ROR1: variants seen among roughly 807,000 people sequenced by gnomAD.
ROR1 encodes inactive tyrosine-protein kinase transmembrane receptor ROR1.
Under a neutral mutation model 78.8 loss-of-function variants are expected in ROR1, and 19 were observed. The ratio of observed to expected loss-of-function variants is 0.24; its 90% CI spans 0.17 to 0.35. The LOEUF is 0.35. ROR1 is among the 10% of genes least tolerant of loss of function. The pLI is 1.00. For missense variants in ROR1, 917 were observed against 1,177.8 expected, an observed-to-expected ratio of 0.78 and a Z score of 3.24; for synonymous variants, 386 against 433.6, an observed-to-expected ratio of 0.89 and a Z score of 1.36.
intron 1 of ROR1, among the ~76,000 whole-genome samples, chr1:63,961,592 A>G (rs1393086281): frequency 6.6e-6 from 1 of 152,204 alleles, no homozygotes; most frequent in Admixed American, 6.5e-5. Flanking sequence ...GCACAGAAAG[A>G]CAAATACCGC....
At chr1:64,065,590 C>T (rs759345859) in intron 4 of ROR1, among the ~76,000 whole-genome samples, 4 of 152,160 alleles carry the variant, frequency 2.6e-5, no homozygotes, top group Non-Finnish European at 5.9e-5. Flanking sequence ...TGAAGGTTTA[C>T]TGGCATACAT....
chr1:64,152,766 G>C (rs981309527), intron 7 of ROR1, among the ~76,000 whole-genome samples: 6 of 152,080 alleles, frequency 3.9e-5, no homozygotes, highest in Non-Finnish European at 7.4e-5. Flanking sequence ...ATCTTTCCTA[G>C]ATTCTGGCCA....
intron 1 of ROR1, among the ~76,000 whole-genome samples, chr1:63,956,899 A>C (rs1645986884): frequency 6.6e-6 from 1 of 152,214 alleles, no homozygotes; most frequent in East Asian, 1.9e-4. Flanking sequence ...ACTACCTTGC[A>C]GATATGCTAA....
chr1:64,129,909 T>TC (rs1480495191), intron 4 of ROR1, among the ~76,000 whole-genome samples: 1 of 152,174 alleles, frequency 6.6e-6, no homozygotes, highest in African/African-American at 2.4e-5. Flanking sequence ...GCCAATACCT[T>TC]CCCTTTTCTG....
intron 1 of ROR1, among the ~76,000 whole-genome samples, chr1:63,858,152 T>C (rs61594767): frequency 0.042 from 6,366 of 152,304 alleles, 303 homozygotes; most frequent in African/African-American, 0.11. Flanking sequence ...CTTTCACTTA[T>C]CAGCTTTTCC....
At chr1:63,977,770 T>C (rs1052111479) in intron 1 of ROR1, among the ~76,000 whole-genome samples, 6 of 152,224 alleles carry the variant, frequency 3.9e-5, no homozygotes, top group Non-Finnish European at 7.3e-5. Context: ...AGGAAATGCA[T>C]AGAGCCAGAG....
Position 64,049,960 on chromosome 1 carries a change from G to A in ROR1, c.433G>A (p.Val145Ile). Residue 145 changes from valine to isoleucine, a missense_variant, in exon 3 of 9, where the codon GTC becomes ATC. Val to Ile is a conservative substitution (Grantham distance 29). Coordinates refer to ENST00000371079, the MANE Select transcript of ROR1 (RefSeq NM_005012.4). The part of the protein sequence containing the change: ...NGKEVVSSTG[V>I]LFVKFGPPPT... ...CAAGGAGGTGGTTTCTTCCACTGGAGTCTTGTTTGTCAAGTTTGGTAAGCA... is the reference window on the plus strand; with the variant it reads ...CAAGGAGGTGGTTTCTTCCACTGGAATCTTGTTTGTCAAGTTTGGTAAGCA... 1.2e-6 allele frequency: 2 copies of A among 1,614,178 alleles called. No homozygotes were observed. Among genetic ancestry groups the A allele is most frequent in the Non-Finnish European group, 1.7e-6 (2 of 1,180,036 alleles).
chr1:64,071,809 A>G (rs1382182321), intron 4 of ROR1, among the ~76,000 whole-genome samples: 1 of 152,186 alleles, frequency 6.6e-6, no homozygotes, highest in Non-Finnish European at 1.5e-5. Flanking sequence ...TATAGCCTTC[A>G]GCAATGATGG....
At chr1:63,891,016 C>A (rs1645391861) in intron 1 of ROR1, among the ~76,000 whole-genome samples, 1 of 152,180 alleles carries the variant, frequency 6.6e-6, no homozygotes, top group African/African-American at 2.4e-5. Flanking sequence ...TGGTGTTCAT[C>A]ATGACCCTTG....
intron 1 of ROR1, among the ~76,000 whole-genome samples, chr1:63,784,075 T>G: frequency 6.6e-6 from 1 of 152,178 alleles, no homozygotes; most frequent in East Asian, 1.9e-4. Flanking sequence ...AAATTCTCTG[T>G]AAGATCCCAG....
chr1:63,987,225 G>A (rs1272777327), intron 1 of ROR1, among the ~76,000 whole-genome samples: 1 of 152,152 alleles, frequency 6.6e-6, no homozygotes, highest in Non-Finnish European at 1.5e-5. Context: ...GCAGAATTAT[G>A]TCAGTGGAAT....
chr1:64,056,304 G>C (rs1394387448), intron 4 of ROR1, among the ~76,000 whole-genome samples: 1 of 151,568 alleles, frequency 6.6e-6, no homozygotes, highest in Non-Finnish European at 1.5e-5. Context: ...ATAGTATATG[G>C]GTTCCAATTT....
In ROR1 at chr1:64,084,350, C is replaced by G. The variant is rs75379915; in HGVS notation, c.482+33634C>G. Among the ~76,000 whole-genome samples, 129 of 152,316 alleles carry G rather than the reference C, an allele frequency of 8.5e-4. 3 individuals carry two copies. The East Asian group carries it at 0.024, about 28-fold the overall frequency. ...AGGCGTTATAACTCTGTCCAGGTCT[C>G]TCAACACTTACAGCTATCAAGGAAA... is the stretch of plus-strand genomic sequence containing the variant. On this transcript the variant is annotated intron_variant, in intron 4 of 8. Transcript: ENST00000371079.
At chr1:63,948,250 C>T (rs1421170461) in intron 1 of ROR1, among the ~76,000 whole-genome samples, 2 of 151,578 alleles carry the variant, frequency 1.3e-5, no homozygotes, top group Admixed American at 1.3e-4. Flanking sequence ...AGATGTTTTA[C>T]AATAGATACT....
chr1:64,054,505 A>G (rs1646858357), intron 4 of ROR1, among the ~76,000 whole-genome samples: 2 of 152,226 alleles, frequency 1.3e-5, no homozygotes, highest in Admixed American at 1.3e-4. Context: ...AGCCAGTGGC[A>G]GCTATAGTTA....
intron 4 of ROR1, among the ~76,000 whole-genome samples, chr1:64,056,688 A>C (rs1300588363): frequency 6.6e-6 from 1 of 151,910 alleles, no homozygotes; most frequent in Non-Finnish European, 1.5e-5. Context: ...AAAAAAAAAA[A>C]AACAAACATT....
chr1:64,083,586 A>T, intron 4 of ROR1, among the ~76,000 whole-genome samples: 1 of 111,918 alleles, frequency 8.9e-6, no homozygotes, highest in Admixed American at 7.9e-5. Context: ...GGTGCTAGAG[A>T]GAGAGAGAGA....
At chr1:63,994,216 G>C (rs1395838313) in intron 1 of ROR1, among the ~76,000 whole-genome samples, 1 of 151,642 alleles carries the variant, frequency 6.6e-6, no homozygotes, top group Admixed American at 6.6e-5. Context: ...TTTTCTTTCT[G>C]ATTGGTAGGA....
chr1:63,833,274 T>G (rs921378175), intron 1 of ROR1, among the ~76,000 whole-genome samples: 1 of 152,202 alleles, frequency 6.6e-6, no homozygotes, highest in Admixed American at 6.5e-5. Flanking sequence ...CTGCTTTGAT[T>G]AGTAGTGTTA....
Sources: allele counts gnomAD v4.1 joint callset (sites outside exome capture counted in the v4.1 genomes callset), GRCh38; gene constraint gnomAD v4.1.1; transcripts MANE v1.5; gene names NCBI Gene and HGNC (gene_info 2026-07-23, HGNC 2026-07-21).